Variants in NELL2 observed in about 807,000 individuals in gnomAD.
NELL2 encodes the protein neural EGFL like 2.
A neutral mutation model predicts 109.6 loss-of-function variants in NELL2; 41 were observed. The observed-to-expected ratio is 0.37, with a 90% CI of 0.29 to 0.49. The LOEUF is 0.49. Ranked by LOEUF, NELL2 falls within the 20% of genes least tolerant of loss-of-function variation. NELL2 has a pLI of 0.98. For missense variants in NELL2, 900 were observed against 1,008.3 expected (o/e 0.89, Z 1.45); for synonymous variants, 355 against 344.7 (o/e 1.03, Z -0.33).
chr12:44,871,887 T>C (rs1279523635), intron 2 of NELL2, among the ~76,000 whole-genome samples: 2 of 152,212 alleles, frequency 1.3e-5, no homozygotes, highest in African/African-American at 4.8e-5. Flanking sequence ...TTCTCTTCTA[T>C]GGATTAATGA....
At chr12:44,555,149 T>TG (rs544703601) in intron 15 of NELL2, among the ~76,000 whole-genome samples, 202 of 152,184 alleles carry the variant, frequency 1.3e-3, no homozygotes, top group African/African-American at 4.6e-3. Flanking sequence ...GGGGTTCAGG[T>TG]GGAGGGGTCT....
intron 15 of NELL2, among the ~76,000 whole-genome samples, chr12:44,549,934 A>C (rs931861326): frequency 3.2e-4 from 49 of 152,322 alleles, no homozygotes; most frequent in African/African-American, 1.1e-3. Flanking sequence ...CGGGATAGCC[A>C]AAGAAGTTTT....
chr12:44,717,806 C>T (rs1256348821), intron 9 of NELL2, among the ~76,000 whole-genome samples: 1 of 152,104 alleles, frequency 6.6e-6, no homozygotes, highest in Non-Finnish European at 1.5e-5. Flanking sequence ...CCTCCTCCTG[C>T]CTTCCAGTTT....
At chr12:44,689,285 TA>T (rs1482007625) in intron 12 of NELL2, among the ~76,000 whole-genome samples, 3 of 152,224 alleles carry the variant, frequency 2.0e-5, no homozygotes, top group Non-Finnish European at 4.4e-5. Flanking sequence ...TCCACAAAGC[TA>T]TTATATAAAA....
At chr12:44,703,511 A>C (rs1398794372) in intron 12 of NELL2, among the ~76,000 whole-genome samples, 1 of 152,238 alleles carries the variant, frequency 6.6e-6, no homozygotes, top group East Asian at 1.9e-4. Flanking sequence ...TAATTCAAGA[A>C]ACCAGCCATA....
At chr12:44,515,780 C>T (rs1941233343) in intron 19 of NELL2, among the ~76,000 whole-genome samples, 1 of 151,820 alleles carries the variant, frequency 6.6e-6, no homozygotes, top group Non-Finnish European at 1.5e-5. Flanking sequence ...CTATTTTTGG[C>T]TATATTTATT....
chr12:44,827,172 C>T (rs1167753449), intron 2 of NELL2, among the ~76,000 whole-genome samples: 2 of 151,840 alleles, frequency 1.3e-5, no homozygotes, highest in African/African-American at 4.8e-5. Context: ...TTATGTGGAT[C>T]CAAGGTAGGT....
At chr12:44,793,150 CAT>C (rs1490300441) in intron 3 of NELL2, among the ~76,000 whole-genome samples, 1 of 151,894 alleles carries the variant, frequency 6.6e-6, no homozygotes. Flanking sequence ...TGTGTCCGTA[CAT>C]ATATAACATA....
intron 15 of NELL2, among the ~76,000 whole-genome samples, chr12:44,559,743 C>A (rs1943398067): frequency 6.6e-6 from 1 of 152,128 alleles, no homozygotes; most frequent in Admixed American, 6.5e-5. Flanking sequence ...GACTTTAACA[C>A]CTCACCATCA....
chr12:44,807,536 T>C (rs1196056981), intron 3 of NELL2, among the ~76,000 whole-genome samples: 1 of 151,782 alleles, frequency 6.6e-6, no homozygotes, highest in Non-Finnish European at 1.5e-5. Flanking sequence ...TTTTAAAAAA[T>C]GGCAAAAGGG....
At chr12:44,913,767 C>T (rs1222462629) in intron 1 of NELL2, 1 of 797,094 alleles carries the variant, frequency 1.3e-6, no homozygotes, top group South Asian at 1.7e-5. Flanking sequence ...TTCAGAGTTA[C>T]CTTAAAATTA....
At chr12:44,616,866 C>T (rs1945839717) in intron 13 of NELL2, among the ~76,000 whole-genome samples, 1 of 152,160 alleles carries the variant, frequency 6.6e-6, no homozygotes, top group Non-Finnish European at 1.5e-5. Context: ...ATGGCAACAA[C>T]TGTGAATCCT....
Position 44,872,139 on chromosome 12 carries a change from T to TA in NELL2, c.184+3085dup, listed in dbSNP as rs747271789. On this transcript the variant is annotated intron_variant, in intron 2 of 19. Transcript: ENST00000429094. Reference sequence around the variant, plus strand: ...GGAATACTTCCTAGATTTTAGAAAGTAGAACCCTTTATAACCTTTCATAGG... The same window carrying TA: ...GGAATACTTCCTAGATTTTAGAAAGTAAGAACCCTTTATAACCTTTCATAGG... Among the ~76,000 whole-genome samples, 3 of 152,136 alleles carry TA rather than the reference T, an allele frequency of 2.0e-5. No individual in the cohort carries two copies. The East Asian group carries it at 5.8e-4, about 29-fold the overall frequency.
At chr12:44,604,261 A>C (rs557237154) in intron 15 of NELL2, among the ~76,000 whole-genome samples, 1 of 152,202 alleles carries the variant, frequency 6.6e-6, no homozygotes, top group East Asian at 1.9e-4. Flanking sequence ...GGAAGCAAGG[A>C]AAGAGGAAGG....
chr12:44,787,726 G>A (rs992855655), intron 3 of NELL2, among the ~76,000 whole-genome samples: 8 of 151,248 alleles, frequency 5.3e-5, no homozygotes, highest in Admixed American at 2.6e-4. Flanking sequence ...TCAACAAATG[G>A]TGCTGAAGCA....
chr12:44,714,574 G>T, intron 10 of NELL2, 76 bp downstream of exon 10: 1 of 797,898 alleles, frequency 1.3e-6, no homozygotes, highest in East Asian at 3.0e-5. Context: ...GTATTTCAAG[G>T]TTGAGCTAGT....
At chr12:44,836,447 T>A (rs1284337044) in intron 2 of NELL2, among the ~76,000 whole-genome samples, 3 of 152,136 alleles carry the variant, frequency 2.0e-5, no homozygotes, top group Non-Finnish European at 2.9e-5. Context: ...ACCCCAAGAA[T>A]GTTTCCTCAG....
chr12:44,815,229 T>C (rs79312739), intron 3 of NELL2, among the ~76,000 whole-genome samples: 3,181 of 152,124 alleles, frequency 0.021, 110 homozygotes, highest in African/African-American at 0.072. Flanking sequence ...GTCTCACATA[T>C]GACAAAGGCT....
chr12:44,895,303 T>G (rs1945580531), intron 1 of NELL2, among the ~76,000 whole-genome samples: 1 of 152,182 alleles, frequency 6.6e-6, no homozygotes, highest in Non-Finnish European at 1.5e-5. Flanking sequence ...AAGGAGCTGT[T>G]AGTTTAATTA....
Sources: allele counts gnomAD v4.1 joint callset (sites outside exome capture counted in the v4.1 genomes callset), GRCh38; gene constraint gnomAD v4.1.1; transcripts MANE v1.5; gene names NCBI Gene and HGNC (gene_info 2026-07-23, HGNC 2026-07-21).